The following OLFM2 variants were observed in gnomAD, a reference collection of about 807,000 sequenced individuals.
OLFM2 encodes noelin-2.
OLFM2 carries 20 observed loss-of-function variants against 43.9 expected under a neutral mutation model. The ratio of observed to expected loss-of-function variants is 0.46; its 90% CI spans 0.32 to 0.66. The LOEUF (loss-of-function observed/expected upper bound fraction) is 0.66. Among genes scored for constraint, OLFM2 ranks in the 30% least tolerant of loss-of-function variants. OLFM2 has a pLI of 0.04. For missense variants in OLFM2, 416 were observed against 643.6 expected, an observed-to-expected ratio of 0.65 and a Z score of 3.83; for synonymous variants, 268 against 278.6, an observed-to-expected ratio of 0.96 and a Z score of 0.38.
chr19:9,906,724 C>T (rs1182426607), intron 1 of OLFM2, among the ~76,000 whole-genome samples: 2 of 152,092 alleles, frequency 1.3e-5, no homozygotes, highest in South Asian at 2.1e-4. Flanking sequence ...GATGGACGTG[C>T]GGCTGGGCAG....
At chr19:9,924,406 C>CAAA (rs1166738814) in intron 1 of OLFM2, among the ~76,000 whole-genome samples, 4 of 25,768 alleles carry the variant, frequency 1.6e-4, no homozygotes, top group Admixed American at 5.8e-4. Context: ...ACTCTGTCTC[C>CAAA]AAAAAAAAAA....
rs1180519123 is a variant in OLFM2, at chr19:9,853,986, G to A, written c.*200C>T. On this transcript the variant is annotated 3_prime_UTR_variant, in exon 6 of 6. Transcript: ENST00000264833. ...GAAAGAAAGAAGTGGTGTATTAAAAGCAGAGATCAATAAAGGAGAAGAGGG... is the reference window on the plus strand; with the variant it reads ...GAAAGAAAGAAGTGGTGTATTAAAAACAGAGATCAATAAAGGAGAAGAGGG... The A allele has an allele frequency of 1.7e-6, 1 of 598,930 alleles. No individual in the cohort carries two copies. The highest frequency in any genetic ancestry group is 3.0e-6 in the Non-Finnish European group (1 of 337,570). 37.1% of individuals were successfully genotyped at this position (598,930 alleles called of 1,614,324 possible).
chr19:9,875,587 C>T (rs1278533540), intron 1 of OLFM2, among the ~76,000 whole-genome samples: 4 of 150,988 alleles, frequency 2.6e-5, no homozygotes, highest in Non-Finnish European at 5.9e-5. Context: ...ACTTCCCTGG[C>T]TCAGGTGATC....
intron 1 of OLFM2, among the ~76,000 whole-genome samples, chr19:9,874,965 C>A (rs1314879111): frequency 6.6e-6 from 1 of 152,096 alleles, no homozygotes; most frequent in Admixed American, 6.6e-5. Context: ...TGGACGTTTC[C>A]CCAGCCTGTA....
intron 1 of OLFM2, among the ~76,000 whole-genome samples, chr19:9,881,334 A>T (rs1368038418): frequency 6.6e-6 from 1 of 152,172 alleles, no homozygotes; most frequent in Non-Finnish European, 1.5e-5. Context: ...ACCCTGCCCT[A>T]TACAGTGATG....
At chr19:9,871,024 C>CT (rs2046437588) in intron 1 of OLFM2, among the ~76,000 whole-genome samples, 1 of 152,084 alleles carries the variant, frequency 6.6e-6, no homozygotes, top group South Asian at 2.1e-4. Context: ...AATCCCAGCA[C>CT]TTTGGGAGGT....
At chr19:9,879,440 G>A (rs781756382) in intron 1 of OLFM2, among the ~76,000 whole-genome samples, 47 of 151,826 alleles carry the variant, frequency 3.1e-4, no homozygotes, top group Non-Finnish European at 3.8e-4. Flanking sequence ...CCAAGCTCTC[G>A]TTGTTTAAAC....
At chr19:9,897,424 GGAGGTT>G (rs2046695737) in intron 1 of OLFM2, among the ~76,000 whole-genome samples, 1 of 152,090 alleles carries the variant, frequency 6.6e-6, no homozygotes, top group African/African-American at 2.4e-5. Flanking sequence ...CTGAGCCTAG[GGAGGTT>G]GAGGCTGCCG....
chr19:9,913,745 GC>G, intron 1 of OLFM2: 6 of 948,610 alleles, frequency 6.3e-6, no homozygotes, highest in Non-Finnish European at 7.7e-6. Flanking sequence ...AGCGCGAGCT[GC>G]GGGGCAGGGG....
At chr19:9,923,167 G>A (rs563896180) in intron 1 of OLFM2, among the ~76,000 whole-genome samples, 1 of 152,152 alleles carries the variant, frequency 6.6e-6, no homozygotes, top group African/African-American at 2.4e-5. Flanking sequence ...CCTACTTGTT[G>A]CAATTTGTTT....
intron 1 of OLFM2, among the ~76,000 whole-genome samples, chr19:9,917,752 C>CGGAGA (rs2086393811): frequency 6.6e-6 from 1 of 151,252 alleles, no homozygotes; most frequent in Non-Finnish European, 1.5e-5. Flanking sequence ...CTCTGAAACA[C>CGGAGA]GTAGTTTGTT....
chr19:9,859,723 C>G (rs929706528), intron 2 of OLFM2, among the ~76,000 whole-genome samples: 2 of 152,210 alleles, frequency 1.3e-5, no homozygotes, highest in Admixed American at 6.5e-5. Context: ...TGGTGAACTG[C>G]AAAGCTGGGT....
intron 1 of OLFM2, among the ~76,000 whole-genome samples, chr19:9,907,659 G>A (rs551689589): frequency 2.6e-5 from 4 of 152,178 alleles, no homozygotes; most frequent in Non-Finnish European, 5.9e-5. Context: ...CCCAGAGGTA[G>A]AGACAGACAG....
intron 1 of OLFM2, among the ~76,000 whole-genome samples, chr19:9,895,417 C>G (rs2046675017): frequency 6.6e-6 from 1 of 151,908 alleles, no homozygotes; most frequent in Admixed American, 6.6e-5. Context: ...ATCACTTGAG[C>G]CTGAGAAGTC....
chr19:9,871,752 C>T (rs1160092054), intron 1 of OLFM2, among the ~76,000 whole-genome samples: 1 of 152,182 alleles, frequency 6.6e-6, no homozygotes, highest in African/African-American at 2.4e-5. Flanking sequence ...GGAATGCTGG[C>T]TCCAGGCCTG....
intron 1 of OLFM2, among the ~76,000 whole-genome samples, chr19:9,930,142 C>T (rs2086474102): frequency 6.6e-6 from 1 of 152,190 alleles, no homozygotes; most frequent in South Asian, 2.1e-4. Flanking sequence ...TCCCTGTGCT[C>T]ATGGTCCCTG....
intron 1 of OLFM2, among the ~76,000 whole-genome samples, chr19:9,861,003 C>T (rs911783531): frequency 3.0e-4 from 45 of 152,230 alleles, no homozygotes; most frequent in African/African-American, 1.0e-3. Flanking sequence ...TTAAGGAACA[C>T]GGCAAGGAAT....
intron 1 of OLFM2, among the ~76,000 whole-genome samples, chr19:9,914,705 C>A (rs1315284172): frequency 6.6e-6 from 1 of 152,002 alleles, no homozygotes; most frequent in Non-Finnish European, 1.5e-5. Context: ...GCGGGAAGCG[C>A]AGTGCCCTCG....
At chr19:9,900,992 G>GGA (rs1332960403) in intron 1 of OLFM2, among the ~76,000 whole-genome samples, 24 of 13,396 alleles carry the variant, frequency 1.8e-3, no homozygotes, top group Non-Finnish European at 2.8e-3. Context: ...GGAAGGAAGG[G>GGA]AGGGAGGGGG....
Sources: gnomAD v4.1 joint callset for allele counts (sites outside exome capture counted in the v4.1 genomes callset) on GRCh38, gnomAD v4.1.1 for gene constraint, MANE v1.5 for transcripts, NCBI Gene and HGNC (gene_info 2026-07-23, HGNC 2026-07-21) for gene names.